NOTCH2: variants seen among roughly 807,000 people sequenced by gnomAD.
The protein encoded by NOTCH2 is notch receptor 2.
NOTCH2 carries 29 observed loss-of-function variants against 235.8 expected under a neutral mutation model. The ratio of observed to expected loss-of-function variants is 0.12; its 90% CI spans 0.09 to 0.17. The LOEUF is 0.17. Among genes scored for constraint, NOTCH2 ranks in the 10% least tolerant of loss-of-function variants. The probability of loss-of-function intolerance (pLI) is 1.00; values close to 1 mark genes in which losing one functional copy is unlikely to be tolerated. For missense variants in NOTCH2, 2,285 were observed against 3,150.2 expected, an observed-to-expected ratio of 0.73 and a Z score of 6.57; for synonymous variants, 1,086 against 1,141.5, an observed-to-expected ratio of 0.95 and a Z score of 0.98.
At chr1:119,941,995 AAT>A (rs1216928140) in intron 17 of NOTCH2, among the ~76,000 whole-genome samples, 2 of 152,244 alleles carry the variant, frequency 1.3e-5, no homozygotes, top group Non-Finnish European at 2.9e-5. Flanking sequence ...TTGTAAAATT[AAT>A]AGTCATAAAA....
intron 1 of NOTCH2, among the ~76,000 whole-genome samples, chr1:120,034,383 C>T (rs1477241271): frequency 8.9e-6 from 1 of 112,312 alleles, no homozygotes. Context: ...AGATTTCAAT[C>T]TCATCACTCC....
chr1:120,024,824 T>G (rs1481151464), intron 2 of NOTCH2, among the ~76,000 whole-genome samples: 1 of 151,906 alleles, frequency 6.6e-6, no homozygotes, highest in Admixed American at 6.6e-5. Context: ...AAAGGCCCCT[T>G]TATATTTCCA....
chr1:120,066,211 T>G (rs1655500833), intron 1 of NOTCH2, among the ~76,000 whole-genome samples: 1 of 152,154 alleles, frequency 6.6e-6, no homozygotes, highest in Non-Finnish European at 1.5e-5. Flanking sequence ...AACACTGGAA[T>G]GACTAAGGTT....
chr1:120,025,393 C>G (rs1159110633), intron 2 of NOTCH2, among the ~76,000 whole-genome samples: 2 of 152,112 alleles, frequency 1.3e-5, no homozygotes, highest in Admixed American at 1.3e-4. Context: ...CACTGAACCC[C>G]TAGAAGGGTC....
At chr1:119,933,610 A>G (rs896423322) in intron 22 of NOTCH2, among the ~76,000 whole-genome samples, 8 of 152,234 alleles carry the variant, frequency 5.3e-5, no homozygotes, top group Middle Eastern at 3.2e-3. Flanking sequence ...GATATCAGAA[A>G]GCAGTGGGAT....
In NOTCH2 at chr1:119,919,602, G is replaced by C; in HGVS notation, c.5491C>G (p.Pro1831Ala). ...VNVRGPDGCT[P>A]LMLASLRGGS... Reference sequence around the variant, plus strand: ...CCTCGGAGAGAAGCCAACATCAATGGGGTGCAGCCATCTGTAGGAATGGAA... The same window carrying C: ...CCTCGGAGAGAAGCCAACATCAATGCGGTGCAGCCATCTGTAGGAATGGAA... Residue 1831 changes from proline to alanine, a missense_variant, in exon 31 of 34, where the codon CCA (proline) becomes GCA (alanine). Pro to Ala is a conservative substitution (Grantham distance 27, BLOSUM62 -1). This residue lies in a region of NOTCH2 where 1,173 missense variants were observed against 1,515.3 expected (regional missense o/e 0.77). Coordinates refer to ENST00000256646, the MANE Select transcript of NOTCH2 (RefSeq NM_024408.4). 6.2e-7 allele frequency: 1 copy of C among 1,614,022 alleles called. No individual in the cohort carries two copies. Among genetic ancestry groups the C allele is most frequent in the Non-Finnish European group, 8.5e-7 (1 of 1,179,982 alleles).
chr1:119,977,281 C>T (rs1389553465), intron 5 of NOTCH2, among the ~76,000 whole-genome samples: 1 of 152,048 alleles, frequency 6.6e-6, no homozygotes, highest in African/African-American at 2.4e-5. Context: ...CCAAAGTGTC[C>T]GTCACCCTTG....
chr1:119,918,288 A>C, intron 32 of NOTCH2, 118 bp downstream of exon 32: 2 of 1,115,590 alleles, frequency 1.8e-6, no homozygotes, highest in East Asian at 2.4e-5. Context: ...TGAAAGAATG[A>C]GTGAATCTCT....
In NOTCH2 at chr1:119,937,914, C is replaced by T. The variant is rs782440081; in HGVS notation, c.3280G>A (p.Ala1094Thr). Residue 1094 changes from alanine to threonine, a missense_variant, in exon 20 of 34, where the codon GCT (alanine) becomes ACT (threonine). By Grantham distance (58) the Ala-to-Thr change is moderately conservative. Coordinates refer to ENST00000256646, the MANE Select transcript of NOTCH2 (RefSeq NM_024408.4). ...TTGGGCACGTCACAATAGGCACCAG[C>T]CCATCCAGATGGACATAGGCACTGG... ...ESQCLCPSGW[A>T]GAYCDVPNVS... 1.2e-6 allele frequency: 2 copies of T among 1,614,228 alleles called. No homozygotes were observed. The highest frequency in any genetic ancestry group is 1.7e-5 in the Admixed American group (1 of 60,034).
chr1:119,974,299 A>T (rs986096054), intron 5 of NOTCH2, among the ~76,000 whole-genome samples: 3 of 152,220 alleles, frequency 2.0e-5, no homozygotes, highest in Non-Finnish European at 4.4e-5. Flanking sequence ...TATCCCTCTC[A>T]GTAATTTCCA....
chr1:120,065,038 G>A (rs1434992252), intron 1 of NOTCH2, among the ~76,000 whole-genome samples: 2 of 152,116 alleles, frequency 1.3e-5, no homozygotes, highest in African/African-American at 4.8e-5. Context: ...GAGGCAGGGG[G>A]TGGATGGCAG....
At chr1:120,063,657 C>T (rs1179704419) in intron 1 of NOTCH2, among the ~76,000 whole-genome samples, 1 of 152,114 alleles carries the variant, frequency 6.6e-6, no homozygotes, top group Non-Finnish European at 1.5e-5. Flanking sequence ...CAGGATCTAG[C>T]CAAAGCAACC....
chr1:120,031,403 A>G (rs1409051263), intron 1 of NOTCH2, among the ~76,000 whole-genome samples: 1 of 131,626 alleles, frequency 7.6e-6, no homozygotes, highest in African/African-American at 2.9e-5. Context: ...ACTTTACATA[A>G]ATTAGCTAAC....
At chr1:119,979,815 A>T (rs1388906297) in intron 5 of NOTCH2, among the ~76,000 whole-genome samples, 1 of 137,572 alleles carries the variant, frequency 7.3e-6, no homozygotes, top group Non-Finnish European at 1.5e-5. Context: ...TACAAAGTCT[A>T]GTGAGTGAGT....
chr1:119,954,879 G>A (rs1553198212), intron 13 of NOTCH2, among the ~76,000 whole-genome samples, 161 bp downstream of exon 13: 1 of 152,148 alleles, frequency 6.6e-6, no homozygotes, highest in African/African-American at 2.4e-5. Flanking sequence ...CAGCTTCCAT[G>A]GATTAAATGG....
chr1:120,031,304 T>A (rs1328973585), intron 1 of NOTCH2, among the ~76,000 whole-genome samples: 2 of 135,604 alleles, frequency 1.5e-5, no homozygotes, highest in African/African-American at 5.6e-5. Flanking sequence ...ATGCATCCCA[T>A]CCTTGAAATA....
At chr1:119,987,682 C>T (rs1272978225) in intron 4 of NOTCH2, among the ~76,000 whole-genome samples, 1 of 152,114 alleles carries the variant, frequency 6.6e-6, no homozygotes, top group Non-Finnish European at 1.5e-5. Context: ...AAAAATGAGG[C>T]TAATTCCACT....
At chr1:119,966,321 T>C (rs2101141333) in intron 9 of NOTCH2, 55 bp downstream of exon 9, 1 of 1,137,786 alleles carries the variant, frequency 8.8e-7, no homozygotes, top group East Asian at 2.3e-5. Flanking sequence ...CTCTTCCCTG[T>C]GGTCAGTTGG....
At chr1:119,962,260 A>G (rs1650964667) in intron 11 of NOTCH2, among the ~76,000 whole-genome samples, 1 of 152,180 alleles carries the variant, frequency 6.6e-6, no homozygotes, top group Non-Finnish European at 1.5e-5. Context: ...CCAGGTTTCC[A>G]GTATGTTTAT....
Sources: gnomAD v4.1 joint callset for allele counts (sites outside exome capture counted in the v4.1 genomes callset) on GRCh38, gnomAD v4.1.1 for gene constraint, gnomAD v4.1.1 regional missense constraint, MANE v1.5 for transcripts, NCBI Gene and HGNC (gene_info 2026-07-23, HGNC 2026-07-21) for gene names.